The following TNFSF4 variants were observed in gnomAD, a reference collection of about 807,000 sequenced individuals.
TNFSF4 encodes TNF superfamily member 4.
In TNFSF4, 4 loss-of-function variants were observed where a neutral mutation model predicts 7.3. The ratio of observed to expected loss-of-function variants is 0.55; its 90% CI spans 0.27 to 1.25. TNFSF4 has a LOEUF of 1.25. Ranked by LOEUF, TNFSF4 falls within the 50% of genes most tolerant of loss-of-function variation. TNFSF4 has a pLI of 0.12. For missense variants in TNFSF4, 181 were observed against 208.8 expected (o/e 0.87, Z 0.82); for synonymous variants, 76 against 83.7 (o/e 0.91, Z 0.50).
chr1:173,306,562 T>C, the TNFSF4 span, among the ~76,000 whole-genome samples: 117 of 152,082 alleles, frequency 7.7e-4, no homozygotes, highest in African/African-American at 2.7e-3. Context: ...AGTGGTTTTG[T>C]GGCTTTTTCA....
the TNFSF4 span, among the ~76,000 whole-genome samples, chr1:173,260,118 T>A: frequency 3.3e-5 from 5 of 151,672 alleles, no homozygotes; most frequent in African/African-American, 1.2e-4. Flanking sequence ...ACAAAGAGAA[T>A]CCCATCAGAC....
chr1:173,385,941 T>G, the TNFSF4 span, among the ~76,000 whole-genome samples: 1 of 152,282 alleles, frequency 6.6e-6, no homozygotes, highest in Admixed American at 6.5e-5. Context: ...AAAGGTGTAT[T>G]AGGAAGAGAA....
Position 173,207,059 on chromosome 1 carries a change from A to G in TNFSF4, c.118T>C (p.Phe40Leu). Residue 40 changes from phenylalanine (F) to leucine (L), a missense_variant, in exon 1 of 3, where the codon TTC becomes CTC. By Grantham distance (22) the Phe-to-Leu change is conservative (BLOSUM62 0). Transcript: ENST00000281834. Reference protein sequence around the residue: ...VIQGLGLLLCFTYICLHFSAL... With the variant: ...VIQGLGLLLCLTYICLHFSAL... ...GAGAAGTGCAGGCAGATGTAGGTGA[A>G]GCACAGGAGCAGCCCCAGTCCCTGA... is the stretch of plus-strand genomic sequence containing the variant. The G allele has an allele frequency of 6.2e-7, 1 of 1,613,472 alleles. No individual in the cohort carries two copies. The highest frequency in any genetic ancestry group is 8.5e-7 in the Non-Finnish European group (1 of 1,179,708).
chr1:173,285,336 G>C, the TNFSF4 span, among the ~76,000 whole-genome samples: 3 of 152,232 alleles, frequency 2.0e-5, no homozygotes, highest in East Asian at 5.8e-4. Context: ...ATGAGCAAAT[G>C]AGGTGTTTTT....
At chr1:173,215,318 G>T in the TNFSF4 span, among the ~76,000 whole-genome samples, 1 of 152,170 alleles carries the variant, frequency 6.6e-6, no homozygotes, top group East Asian at 1.9e-4. Flanking sequence ...GGTGTCTTAT[G>T]GCAGCCCAAG....
the TNFSF4 span, among the ~76,000 whole-genome samples, chr1:173,401,757 A>C: frequency 6.6e-6 from 1 of 152,240 alleles, no homozygotes; most frequent in Non-Finnish European, 1.5e-5. Context: ...ACACACACAC[A>C]CACCCATATA....
the TNFSF4 span, among the ~76,000 whole-genome samples, chr1:173,428,456 G>A: frequency 6.6e-6 from 1 of 152,210 alleles, no homozygotes; most frequent in Non-Finnish European, 1.5e-5. Context: ...GAGGGACATG[G>A]AAGGGGAATC....
chr1:173,378,112 C>A, the TNFSF4 span, among the ~76,000 whole-genome samples: 3 of 152,200 alleles, frequency 2.0e-5, no homozygotes, highest in Non-Finnish European at 4.4e-5. Context: ...GCGACTAAAT[C>A]CGACCTTCCT....
chr1:173,408,035 AC>A, the TNFSF4 span, among the ~76,000 whole-genome samples: 1 of 152,022 alleles, frequency 6.6e-6, no homozygotes, highest in East Asian at 1.9e-4. Context: ...CCCTCATCAG[AC>A]CCCAACCATG....
At chr1:173,312,525 T>C in the TNFSF4 span, among the ~76,000 whole-genome samples, 2 of 151,996 alleles carry the variant, frequency 1.3e-5, no homozygotes, top group African/African-American at 4.8e-5. Flanking sequence ...AGAGAGAAAA[T>C]AGACAAAGAC....
chr1:173,442,303 A>C, the TNFSF4 span, among the ~76,000 whole-genome samples: 1 of 152,108 alleles, frequency 6.6e-6, no homozygotes, highest in Non-Finnish European at 1.5e-5. Context: ...ACCTTCATTC[A>C]GGAAAAACAG....
At chr1:173,229,137 C>A in the TNFSF4 span, among the ~76,000 whole-genome samples, 1 of 152,092 alleles carries the variant, frequency 6.6e-6, no homozygotes, top group South Asian at 2.1e-4. Context: ...GTCAGATTCA[C>A]CAAGGTTGAA....
chr1:173,203,922 A>G (rs942116424), intron 1 of TNFSF4, among the ~76,000 whole-genome samples: 2 of 152,180 alleles, frequency 1.3e-5, no homozygotes, highest in Admixed American at 6.6e-5. Context: ...GGATGTCCCA[A>G]TGTAATATCC....
chr1:173,356,554 T>G, the TNFSF4 span, among the ~76,000 whole-genome samples: 1 of 152,254 alleles, frequency 6.6e-6, no homozygotes, highest in Admixed American at 6.5e-5. Flanking sequence ...CTTTGATTCT[T>G]GTGCTCAACT....
chr1:173,209,163 G>A (rs76360280), upstream of TNFSF4, among the ~76,000 whole-genome samples: 182 of 152,144 alleles, frequency 1.2e-3, 2 homozygotes, highest in Non-Finnish European at 1.8e-3. Flanking sequence ...TGTAATTTTT[G>A]TTGATGTTTA....
chr1:173,414,283 G>A, the TNFSF4 span, among the ~76,000 whole-genome samples: 1 of 152,074 alleles, frequency 6.6e-6, no homozygotes, highest in African/African-American at 2.4e-5. Flanking sequence ...CTGTGTCTTT[G>A]CATGGCCTTT....
chr1:173,324,649 A>G, the TNFSF4 span, among the ~76,000 whole-genome samples: 5 of 152,328 alleles, frequency 3.3e-5, no homozygotes, highest in East Asian at 1.9e-4. Context: ...CATAGGCTCA[A>G]AATAAAGGGA....
the TNFSF4 span, among the ~76,000 whole-genome samples, chr1:173,176,540 G>C: frequency 1.3e-5 from 2 of 152,166 alleles, no homozygotes; most frequent in Non-Finnish European, 2.9e-5. Flanking sequence ...AATTAGTTCA[G>C]TCACTATGGA....
chr1:173,347,484 A>C, the TNFSF4 span, among the ~76,000 whole-genome samples: 96 of 152,316 alleles, frequency 6.3e-4, no homozygotes, highest in African/African-American at 2.3e-3. Context: ...TTTCCCATGC[A>C]ACAATGCACT....
Sources: allele counts gnomAD v4.1 joint callset (sites outside exome capture counted in the v4.1 genomes callset), GRCh38; gene constraint gnomAD v4.1.1; transcripts MANE v1.5; gene names NCBI Gene and HGNC (gene_info 2026-07-23, HGNC 2026-07-21).